The following RFC3 variants were observed in gnomAD, a reference collection of about 807,000 sequenced individuals.
RFC3 encodes the protein A1 38 kDa subunit.
RFC3 carries 41 observed loss-of-function variants against 45.1 expected under a neutral mutation model. The observed-to-expected ratio is 0.91, with a 90% confidence interval of 0.71 to 1.18. The LOEUF is 1.18. Ranked by LOEUF, RFC3 falls within the 50% of genes most tolerant of loss-of-function variation. The pLI is 0.00. For synonymous variants in RFC3, 149 were observed against 144.0 expected (o/e 1.03, Z -0.25); for missense variants, 423 against 428.1 (o/e 0.99, Z 0.10).
intron 8 of RFC3, among the ~76,000 whole-genome samples, chr13:33,861,721 CAAG>C (rs1229100426): frequency 6.6e-6 from 1 of 151,766 alleles, no homozygotes; most frequent in Admixed American, 6.6e-5. Flanking sequence ...ACTTCAATGG[CAAG>C]GAGGTAGTTC....
intron 8 of RFC3, among the ~76,000 whole-genome samples, chr13:33,869,875 A>T (rs1483511577): frequency 6.6e-6 from 1 of 152,198 alleles, no homozygotes; most frequent in African/African-American, 2.4e-5. Flanking sequence ...GGATTACTTA[A>T]GCCTTCAGAG....
At chr13:33,949,239 T>G (rs1348089566) in intron 8 of RFC3, among the ~76,000 whole-genome samples, 1 of 152,118 alleles carries the variant, frequency 6.6e-6, no homozygotes, top group African/African-American at 2.4e-5. Flanking sequence ...TTTCCCCCAC[T>G]TGCACTCATT....
At chr13:33,950,947 G>GTGGT (rs1269095529) in intron 8 of RFC3, among the ~76,000 whole-genome samples, 1 of 150,926 alleles carries the variant, frequency 6.6e-6, no homozygotes, top group Non-Finnish European at 1.5e-5. Context: ...TATTCCTCAT[G>GTGGT]TGGTTCTTCC....
At chr13:33,926,568 A>G (rs1039475343) in intron 8 of RFC3, among the ~76,000 whole-genome samples, 5 of 152,136 alleles carry the variant, frequency 3.3e-5, no homozygotes, top group African/African-American at 9.7e-5. Context: ...AAACAAATTC[A>G]GGGAATTTTT....
intron 8 of RFC3, among the ~76,000 whole-genome samples, chr13:33,909,749 A>G (rs1453955912): frequency 6.6e-6 from 1 of 152,082 alleles, no homozygotes; most frequent in Non-Finnish European, 1.5e-5. Flanking sequence ...AATCAAAATA[A>G]GAGTGTACCT....
At chr13:33,951,575 T>A (rs1412302918) in intron 8 of RFC3, among the ~76,000 whole-genome samples, 3 of 152,116 alleles carry the variant, frequency 2.0e-5, no homozygotes, top group African/African-American at 7.2e-5. Context: ...TTTGTTTTTC[T>A]CACATTTCTT....
At chr13:33,909,174 C>G (rs373075401) in intron 8 of RFC3, among the ~76,000 whole-genome samples, 1 of 151,212 alleles carries the variant, frequency 6.6e-6, no homozygotes, top group African/African-American at 2.4e-5. Flanking sequence ...TTTTTTCAGG[C>G]GAGATTTAAG....
rs141132909 is a variant in RFC3 at position 33,937,472 on chromosome 13, A to T, written c.880-28615A>T. Among the ~76,000 whole-genome samples the T allele has an allele frequency of 4.8e-3, 737 of 152,276 alleles. 2 individuals carry two copies. Among genetic ancestry groups the T allele is most frequent in the Non-Finnish European group, 8.0e-3 (547 of 68,008 alleles). ...TGTAGTTGAGACCTCTTATATTACC[A>T]ATGAATTACTGAGGCCTAGAAAGGT... On this transcript the variant is annotated intron_variant, in intron 8 of 8. Transcript: ENST00000434425.
exon 9 of RFC3, chr13:33,966,411 A>C (rs747100782): frequency 1.2e-4 from 53 of 439,288 alleles, no homozygotes; most frequent in Non-Finnish European, 1.4e-4. Context: ...GAGGACAATA[A>C]ATTTGATGAA....
At chr13:33,868,903 C>T (rs542895927) in intron 8 of RFC3, among the ~76,000 whole-genome samples, 10 of 152,322 alleles carry the variant, frequency 6.6e-5, no homozygotes, top group Admixed American at 1.3e-4. Context: ...GCCTCTGCTC[C>T]TGGAATATGT....
chr13:33,855,719 C>T (rs1157919362), intron 8 of RFC3, among the ~76,000 whole-genome samples: 1 of 152,104 alleles, frequency 6.6e-6, no homozygotes, highest in Admixed American at 6.6e-5. Context: ...ACATTTCTTT[C>T]ATGATCAGTG....
chr13:33,875,220 G>T (rs1200383354), intron 8 of RFC3, among the ~76,000 whole-genome samples: 1 of 152,196 alleles, frequency 6.6e-6, no homozygotes, highest in Non-Finnish European at 1.5e-5. Context: ...GCAGATGTTT[G>T]AAGGTGGATT....
chr13:33,957,856 C>T (rs945420995), intron 8 of RFC3, among the ~76,000 whole-genome samples: 11 of 152,158 alleles, frequency 7.2e-5, no homozygotes, highest in African/African-American at 2.7e-4. Flanking sequence ...CAGGTGGCAG[C>T]TGGTCTGCCT....
chr13:33,836,179 G>T lies in RFC3; in HGVS notation c.955G>T (p.Glu319Ter). 6.2e-7 allele frequency: 1 copy of T among 1,613,412 alleles called. No homozygotes were observed. Among genetic ancestry groups the T allele is most frequent in the African/African-American group, 1.3e-5 (1 of 74,998 alleles). ...GGTGGCACAAATGGCAGCTTACTAT[G>T]AGCATCGTCTACAGCTGGGTAGCAA... ...GEVAQMAAYYEHRLQLGSKAI... is the reference protein window; with the variant it reads ...GEVAQMAAYY The change falls in exon 9 of 9, where the codon GAG (glutamate) becomes TAG (stop). Residue 319 changes from glutamate to a stop codon, truncating the protein, a stop_gained. Transcript: ENST00000380071. LOFTEE classifies it high-confidence loss of function.
chr13:33,867,922 T>C (rs555447808), intron 8 of RFC3, among the ~76,000 whole-genome samples: 1 of 152,360 alleles, frequency 6.6e-6, no homozygotes, highest in South Asian at 2.1e-4. Context: ...AAAATGAGTT[T>C]TGTTGGTTAA....
chr13:33,862,896 C>CA (rs1433676916), intron 8 of RFC3, among the ~76,000 whole-genome samples: 1 of 152,132 alleles, frequency 6.6e-6, no homozygotes, highest in African/African-American at 2.4e-5. Context: ...CCCAAGTTTC[C>CA]AGCTGCACTG....
intron 8 of RFC3, among the ~76,000 whole-genome samples, chr13:33,899,992 A>C (rs552320459): frequency 5.6e-4 from 85 of 152,056 alleles, no homozygotes; most frequent in Non-Finnish European, 6.9e-4. Flanking sequence ...AGATCTATAC[A>C]AGAAAACCTG....
chr13:33,874,666 T>C (rs760564256), intron 8 of RFC3, among the ~76,000 whole-genome samples: 8 of 152,216 alleles, frequency 5.3e-5, no homozygotes, highest in Non-Finnish European at 7.3e-5. Flanking sequence ...TCCTTCCATC[T>C]GAGCTCTATG....
At chr13:33,842,524 C>A (rs1023030768) in intron 8 of RFC3, among the ~76,000 whole-genome samples, 4 of 152,130 alleles carry the variant, frequency 2.6e-5, no homozygotes, top group African/African-American at 9.7e-5. Context: ...CCCTTCTTTC[C>A]AGATCTCTGC....
Sources: allele counts gnomAD v4.1 joint callset (sites outside exome capture counted in the v4.1 genomes callset), GRCh38; gene constraint gnomAD v4.1.1; transcripts MANE v1.5; gene names NCBI Gene and HGNC (gene_info 2026-07-23, HGNC 2026-07-21).